Variants in DLG2 observed in about 807,000 individuals in gnomAD.
DLG2 encodes the protein disks large homolog 2.
DLG2 carries 45 observed loss-of-function variants against 132.5 expected under a neutral mutation model. The observed-to-expected ratio is 0.34, with a 90% confidence interval of 0.27 to 0.44. DLG2 has a LOEUF of 0.44. Ranked by LOEUF, DLG2 falls within the 20% of genes least tolerant of loss-of-function variation. DLG2 has a pLI of 1.00. For synonymous variants in DLG2, 424 were observed against 419.6 expected (o/e 1.01, Z -0.13); for missense variants, 1,045 against 1,196.9 (o/e 0.87, Z 1.87).
intron 6 of DLG2, among the ~76,000 whole-genome samples, chr11:84,648,123 G>A (rs2099677120): frequency 6.6e-6 from 1 of 152,140 alleles, no homozygotes; most frequent in African/African-American, 2.4e-5. Context: ...CAAAACCTAT[G>A]CTCTTATACC....
chr11:85,224,245 G>T (rs987330675), intron 4 of DLG2, among the ~76,000 whole-genome samples: 7 of 152,172 alleles, frequency 4.6e-5, no homozygotes, highest in Non-Finnish European at 7.3e-5. Context: ...CAGAAATCAG[G>T]TGTAGGGTAA....
At chr11:84,800,813 A>T (rs1321335481) in intron 6 of DLG2, 1 of 152,226 alleles carries the variant, frequency 6.6e-6, no homozygotes, top group Non-Finnish European at 1.5e-5. Context: ...TATGCACAGA[A>T]TATTTTTTAA....
At chr11:85,233,474 C>T (rs1012733994) in intron 4 of DLG2, among the ~76,000 whole-genome samples, 5 of 151,976 alleles carry the variant, frequency 3.3e-5, no homozygotes, top group Middle Eastern at 3.4e-3. Context: ...CCATTTATAG[C>T]AGCCATTAAT....
At chr11:83,670,377 T>C (rs2076629212) in intron 18 of DLG2, among the ~76,000 whole-genome samples, 1 of 119,136 alleles carries the variant, frequency 8.4e-6, no homozygotes. Context: ...GTTCTGGACA[T>C]ACAGAAAAAA....
chr11:84,328,070 T>G (rs902466745), intron 7 of DLG2, among the ~76,000 whole-genome samples: 1 of 152,176 alleles, frequency 6.6e-6, no homozygotes, highest in East Asian at 1.9e-4. Flanking sequence ...GACTCTTTCC[T>G]GGTTGCCAAA....
At chr11:85,362,779 T>A (rs1424397310) in intron 3 of DLG2, among the ~76,000 whole-genome samples, 4 of 152,128 alleles carry the variant, frequency 2.6e-5, no homozygotes, top group East Asian at 1.9e-4. Context: ...AATTATTGAA[T>A]AAATGAAAAA....
intron 3 of DLG2, among the ~76,000 whole-genome samples, chr11:85,564,419 A>G (rs2077419324): frequency 6.6e-6 from 1 of 151,500 alleles, no homozygotes; most frequent in Non-Finnish European, 1.5e-5. Flanking sequence ...ATTTTGAGTT[A>G]TTTTTCAACA....
At chr11:85,331,205 G>T (rs2081713082) in intron 3 of DLG2, among the ~76,000 whole-genome samples, 1 of 152,106 alleles carries the variant, frequency 6.6e-6, no homozygotes, top group African/African-American at 2.4e-5. Flanking sequence ...TGTGGCATGG[G>T]TTTCAACTAG....
At chr11:85,320,373 T>C (rs1335253597) in intron 3 of DLG2, among the ~76,000 whole-genome samples, 1 of 151,862 alleles carries the variant, frequency 6.6e-6, no homozygotes, top group African/African-American at 2.4e-5. Flanking sequence ...TCCATCTAAT[T>C]CTTGGTTCAG....
intron 16 of DLG2, among the ~76,000 whole-genome samples, chr11:83,868,930 C>A (rs570838331): frequency 1.2e-4 from 19 of 152,262 alleles, no homozygotes; most frequent in African/African-American, 4.6e-4. Context: ...CTCAAGCCAA[C>A]TAGCCCAAAG....
At chr11:83,545,897 G>T (rs2096228300) in intron 19 of DLG2, among the ~76,000 whole-genome samples, 1 of 152,126 alleles carries the variant, frequency 6.6e-6, no homozygotes, top group Non-Finnish European at 1.5e-5. Flanking sequence ...TGGGAAAAAT[G>T]CTACAGTGCC....
chr11:84,198,990 C>T (rs372165523), intron 8 of DLG2, among the ~76,000 whole-genome samples: 15 of 152,008 alleles, frequency 9.9e-5, no homozygotes, highest in East Asian at 1.9e-4. Flanking sequence ...CTATGGATAA[C>T]GGTAGGATCA....
chr11:85,070,472 C>G lies in DLG2; in HGVS notation c.357+41189G>C, dbSNP rs993331457. 1.7e-4 allele frequency among the ~76,000 whole-genome samples: 26 copies of G among 151,696 alleles called. 4 individuals carry two copies. Among genetic ancestry groups the G allele is most frequent in the African/African-American group, 6.3e-4 (26 of 41,466 alleles). Reference sequence around the variant, plus strand: ...AAAGAAAGAAAATATGAAAAACCTACTCGGTACATTCAGGTGACAGGTACT... The same window carrying G: ...AAAGAAAGAAAATATGAAAAACCTAGTCGGTACATTCAGGTGACAGGTACT... On this transcript the variant is annotated intron_variant, in intron 6 of 27. Coordinates refer to ENST00000376104, the MANE Select transcript of DLG2 (RefSeq NM_001142699.3).
At chr11:83,752,365 A>T (rs1201451122) in intron 18 of DLG2, among the ~76,000 whole-genome samples, 1 of 152,222 alleles carries the variant, frequency 6.6e-6, no homozygotes, top group Non-Finnish European at 1.5e-5. Context: ...ATTCCAAAAC[A>T]CACAGAATTG....
At chr11:85,405,322 G>A (rs1348648750) in intron 3 of DLG2, among the ~76,000 whole-genome samples, 2 of 151,970 alleles carry the variant, frequency 1.3e-5, no homozygotes, top group Non-Finnish European at 2.9e-5. Context: ...AAACAAAAAT[G>A]TACAACATGG....
intron 18 of DLG2, among the ~76,000 whole-genome samples, chr11:83,759,542 A>T (rs979842214): frequency 2.6e-5 from 4 of 151,964 alleles, no homozygotes; most frequent in Non-Finnish European, 4.4e-5. Context: ...TTTTCATTGT[A>T]GGACTTTAAT....
chr11:85,357,238 TTGTGTG>T (rs71036472), intron 3 of DLG2, among the ~76,000 whole-genome samples: 1,529 of 118,166 alleles, frequency 0.013, 20 homozygotes, highest in African/African-American at 0.029. Flanking sequence ...AATATCCTCT[TTGTGTG>T]TGTGTGTGTG....
At chr11:84,351,733 G>A (rs911368704) in intron 7 of DLG2, among the ~76,000 whole-genome samples, 1 of 152,126 alleles carries the variant, frequency 6.6e-6, no homozygotes, top group Non-Finnish European at 1.5e-5. Context: ...TTAGGAAAGT[G>A]GTGATTCCAA....
chr11:85,060,239 G>C (rs190092120), intron 6 of DLG2, among the ~76,000 whole-genome samples: 1 of 151,024 alleles, frequency 6.6e-6, no homozygotes, highest in Non-Finnish European at 1.5e-5. Flanking sequence ...ATGTCCTAAA[G>C]GTTTATCTTT....
Sources: allele counts gnomAD v4.1 joint callset (sites outside exome capture counted in the v4.1 genomes callset), GRCh38; gene constraint gnomAD v4.1.1; transcripts MANE v1.5; gene names NCBI Gene and HGNC (gene_info 2026-07-23, HGNC 2026-07-21).